The following KCNN2 variants were observed in gnomAD, a reference collection of about 807,000 sequenced individuals.
KCNN2 encodes the protein potassium calcium-activated channel subfamily N member 2.
Under a neutral mutation model 55.5 loss-of-function variants are expected in KCNN2, and 24 were observed. The ratio of observed to expected loss-of-function variants is 0.43; its 90% CI spans 0.31 to 0.61. The LOEUF (loss-of-function observed/expected upper bound fraction) is 0.61, where lower values mean the gene tolerates loss of function less well. Among genes scored for constraint, KCNN2 ranks in the 20% least tolerant of loss-of-function variants. The probability of loss-of-function intolerance (pLI) is 0.08; values close to 1 mark genes in which losing one functional copy is unlikely to be tolerated. For synonymous variants in KCNN2, 431 were observed against 336.1 expected, an observed-to-expected ratio of 1.28 and a Z score of -3.09; for missense variants, 754 against 853.6, an observed-to-expected ratio of 0.88 and a Z score of 1.45.
intron 1 of KCNN2, among the ~76,000 whole-genome samples, chr5:114,197,232 T>G (rs1753575934): frequency 6.6e-6 from 1 of 152,180 alleles, no homozygotes; most frequent in Admixed American, 6.5e-5. Flanking sequence ...TATTGAGGCT[T>G]GTTTTATGGC....
intron 1 of KCNN2, among the ~76,000 whole-genome samples, chr5:114,156,890 T>G (rs1156853093): frequency 1.3e-5 from 2 of 152,110 alleles, no homozygotes; most frequent in African/African-American, 2.4e-5. Context: ...AGACATAGCT[T>G]ATAGTCTACT....
intron 1 of KCNN2, among the ~76,000 whole-genome samples, chr5:114,187,616 C>T (rs1753363344): frequency 6.7e-6 from 1 of 149,394 alleles, no homozygotes; most frequent in Non-Finnish European, 1.5e-5. Context: ...AGGGATTCTC[C>T]TGCCTCAGCC....
chr5:114,152,643 T>C (rs1481054220), intron 1 of KCNN2, among the ~76,000 whole-genome samples: 1 of 152,140 alleles, frequency 6.6e-6, no homozygotes, highest in African/African-American at 2.4e-5. Flanking sequence ...AAATAGTTTC[T>C]ACCCTGATAG....
At chr5:114,364,616 C>CT (rs398065116) in intron 2 of KCNN2, among the ~76,000 whole-genome samples, 12,913 of 138,416 alleles carry the variant, frequency 0.093, 636 homozygotes, top group African/African-American at 0.15. Context: ...CTTGTGAGTT[C>CT]TTTTTTTTTT....
At chr5:114,181,305 A>G (rs1047200257) in intron 1 of KCNN2, among the ~76,000 whole-genome samples, 1 of 152,142 alleles carries the variant, frequency 6.6e-6, no homozygotes, top group African/African-American at 2.4e-5. Flanking sequence ...TCTGTTTTGT[A>G]TGTGTAGTAT....
intron 4 of KCNN2, among the ~76,000 whole-genome samples, chr5:114,470,923 C>T (rs546652885): frequency 3.3e-4 from 50 of 152,258 alleles, no homozygotes; most frequent in Non-Finnish European, 6.3e-4. Context: ...ACACAGCTCT[C>T]AGCACTAGGA....
chr5:114,376,183 T>C (rs1757934826), intron 2 of KCNN2, among the ~76,000 whole-genome samples: 1 of 152,058 alleles, frequency 6.6e-6, no homozygotes, highest in African/African-American at 2.4e-5. Context: ...TGTGTACAGA[T>C]TGCTTCAGTG....
chr5:114,062,251 C>CA (rs1326052361), intron 1 of KCNN2, among the ~76,000 whole-genome samples: 12 of 152,230 alleles, frequency 7.9e-5, no homozygotes, highest in African/African-American at 2.9e-4. Flanking sequence ...GATACTATTA[C>CA]AGTAAGTATT....
chr5:114,496,313 A>C lies in KCNN2; in HGVS notation c.*131A>C. Reference sequence around the variant, plus strand: ...TGATGTCAGAATCCTGGGAACCTGAACACTAAGTTTTAGGCCAAAATGAGT... The same window carrying C: ...TGATGTCAGAATCCTGGGAACCTGACCACTAAGTTTTAGGCCAAAATGAGT... On this transcript the variant is annotated 3_prime_UTR_variant, in exon 8 of 8. Coordinates refer to ENST00000673685, the MANE Select transcript of KCNN2 (RefSeq NM_021614.4). The C allele has an allele frequency of 9.8e-7, 1 of 1,025,580 alleles. No homozygotes were observed. The highest frequency in any genetic ancestry group is 1.4e-6 in the Non-Finnish European group (1 of 722,762). 63.5% of individuals were successfully genotyped at this position (1,025,580 alleles called of 1,614,324 possible). A position where few individuals can be genotyped will look rare whatever the true frequency, so the allele number is the denominator to read the frequency against.
upstream of KCNN2, among the ~76,000 whole-genome samples, chr5:114,358,711 A>G (rs36940): frequency 0.75 from 113,621 of 151,944 alleles, 42,773 homozygotes; most frequent in East Asian, 0.97. Flanking sequence ...GTACTCACAA[A>G]TATAAATAAG....
intron 3 of KCNN2, among the ~76,000 whole-genome samples, chr5:114,462,030 T>C (rs568479664): frequency 3.4e-4 from 52 of 152,128 alleles, no homozygotes; most frequent in Non-Finnish European, 6.8e-4. Flanking sequence ...AAGGAAGTCT[T>C]CTAGTGACCA....
chr5:114,194,149 T>C lies in KCNN2; in HGVS notation c.-270-27331T>C, dbSNP rs181421060. ...TACAATATTATTCATAGTACAATAA[T>C]ACTATGAGGATTCATGCATGAGTTT... is the stretch of plus-strand genomic sequence containing the variant. On this transcript the variant is annotated intron_variant, in intron 1 of 10. Coordinates refer to the KCNN2 transcript ENST00000512097. Among the ~76,000 whole-genome samples the C allele has an allele frequency of 5.3e-5, 8 of 152,252 alleles. No homozygotes were observed. The South Asian group carries it at 1.0e-3, about 20-fold the overall frequency.
chr5:114,236,511 T>G (rs1260592114), intron 2 of KCNN2, among the ~76,000 whole-genome samples: 1 of 152,134 alleles, frequency 6.6e-6, no homozygotes, highest in East Asian at 1.9e-4. Context: ...GAATCTAAAG[T>G]AAAAGCTATA....
chr5:114,446,959 G>T (rs1355346634), intron 3 of KCNN2, among the ~76,000 whole-genome samples: 1 of 152,148 alleles, frequency 6.6e-6, no homozygotes, highest in African/African-American at 2.4e-5. Context: ...TAAAAATCTA[G>T]TTCCTCATTT....
At chr5:114,280,773 G>A (rs1755607820) in intron 2 of KCNN2, among the ~76,000 whole-genome samples, 1 of 152,066 alleles carries the variant, frequency 6.6e-6, no homozygotes. Flanking sequence ...TAAATGTTAA[G>A]TCAGATCTTA....
At chr5:114,410,280 C>T (rs779496826) in intron 3 of KCNN2, among the ~76,000 whole-genome samples, 1 of 152,174 alleles carries the variant, frequency 6.6e-6, no homozygotes, top group African/African-American at 2.4e-5. Flanking sequence ...AGATAGCGTA[C>T]GTAGGCAGCT....
intron 2 of KCNN2, among the ~76,000 whole-genome samples, chr5:114,248,094 A>C (rs1192074085): frequency 6.6e-6 from 1 of 152,164 alleles, no homozygotes; most frequent in Non-Finnish European, 1.5e-5. Context: ...GAATCAGGTC[A>C]TGTCGACCTA....
intron 2 of KCNN2, among the ~76,000 whole-genome samples, chr5:114,370,961 G>T (rs1174567881): frequency 9.2e-6 from 1 of 108,558 alleles, no homozygotes; most frequent in African/African-American, 4.0e-5. Context: ...TTGTTGGCAA[G>T]CTGATTCATA....
intron 3 of KCNN2, among the ~76,000 whole-genome samples, chr5:114,451,701 C>G: frequency 6.6e-6 from 1 of 152,020 alleles, no homozygotes; most frequent in Non-Finnish European, 1.5e-5. Flanking sequence ...TCAAGACCAT[C>G]CTGCCTAACA....
Sources: gnomAD v4.1 joint callset for allele counts (sites outside exome capture counted in the v4.1 genomes callset) on GRCh38, gnomAD v4.1.1 for gene constraint, MANE v1.5 for transcripts, NCBI Gene and HGNC (gene_info 2026-07-23, HGNC 2026-07-21) for gene names.